RDH12: variants seen among roughly 807,000 people sequenced by gnomAD.
RDH12 encodes all-trans and 9-cis retinol dehydrogenase.
RDH12 carries 21 observed loss-of-function variants against 34.0 expected under a neutral mutation model. The observed-to-expected ratio is 0.62, with a 90% CI of 0.44 to 0.89. RDH12 has a LOEUF of 0.89. Among genes scored for constraint, RDH12 ranks in the 40% least tolerant of loss-of-function variants. The probability of loss-of-function intolerance (pLI) is 0.00; values close to 1 mark genes in which losing one functional copy is unlikely to be tolerated. For synonymous variants in RDH12, 198 were observed against 169.9 expected, an observed-to-expected ratio of 1.17 and a Z score of -1.29; for missense variants, 394 against 398.6, an observed-to-expected ratio of 0.99 and a Z score of 0.10.
In RDH12 at chr14:67,724,568, C is replaced by A. The variant is rs766631462; in HGVS notation, c.164C>A (p.Thr55Lys). 6.2e-7 allele frequency: 1 copy of A among 1,613,548 alleles called. No individual in the cohort carries two copies. Among genetic ancestry groups the A allele is most frequent in the East Asian group, 2.2e-5 (1 of 44,864 alleles). ...GCCAACACGGGCATTGGCAAGGAGA[C>A]GGCCAGAGAGCTCGCTAGCCGAGGT... ...TGANTGIGKE[T>K]ARELASRGAR... Residue 55 changes from threonine to lysine, a missense_variant, in exon 4 of 9, where the codon ACG becomes AAG. Thr to Lys is a moderately conservative substitution (Grantham distance 78). Transcript: ENST00000551171.
chr14:67,726,364 A>G (rs2038185844), intron 6 of RDH12, among the ~76,000 whole-genome samples: 1 of 152,180 alleles, frequency 6.6e-6, no homozygotes, highest in African/African-American at 2.4e-5. Context: ...AAGAAGCCCC[A>G]AATTTCAGGA....
chr14:67,724,306 C>G (rs1402731452), intron 3 of RDH12, among the ~76,000 whole-genome samples, 167 bp from the exon 4 acceptor site: 1 of 152,114 alleles, frequency 6.6e-6, no homozygotes, highest in East Asian at 1.9e-4. Context: ...TACCTTGCCC[C>G]ATGGAAAAAT....
intron 1 of RDH12, among the ~76,000 whole-genome samples, chr14:67,702,179 G>A (rs2037906868): frequency 6.6e-6 from 1 of 151,788 alleles, no homozygotes; most frequent in African/African-American, 2.4e-5. Context: ...ATGTTGCCCA[G>A]GCTGGTCTCA....
At chr14:67,703,050 G>T (rs2037916487) in intron 1 of RDH12, among the ~76,000 whole-genome samples, 1 of 152,260 alleles carries the variant, frequency 6.6e-6, no homozygotes, top group South Asian at 2.1e-4. Flanking sequence ...GAGCTCCTGG[G>T]CGCAAATGAT....
chr14:67,702,796 A>G (rs192635642), intron 1 of RDH12, among the ~76,000 whole-genome samples: 162 of 152,296 alleles, frequency 1.1e-3, no homozygotes, highest in African/African-American at 3.7e-3. Context: ...ATGCACAAAT[A>G]GAGATCTTAT....
intron 7 of RDH12, chr14:67,727,449 G>A (rs2038201852): frequency 2.4e-6 from 1 of 423,156 alleles, no homozygotes; most frequent in Non-Finnish European, 4.4e-6. Context: ...TTTCACAGTA[G>A]CTTTTTGCAA....
In RDH12 at chr14:67,727,149, C is replaced by T. The variant is rs1254096311; in HGVS notation, c.617C>T (p.Ala206Val). Reference protein sequence around the residue: ...RGFAYCHSKLANVLFTRELAK... With the variant: ...RGFAYCHSKLVNVLFTRELAK... ...TTTGCCTATTGCCACAGCAAGCTGG[C>T]CAATGTGCTTTTTACTCGTGAGCTG... is the stretch of plus-strand genomic sequence containing the variant. The change falls in exon 7 of 9, where the codon GCC (alanine) becomes GTC (valine). Residue 206 changes from alanine to valine, a missense_variant. Ala to Val is a moderately conservative substitution (Grantham distance 64). Coordinates refer to ENST00000551171, the MANE Select transcript of RDH12 (RefSeq NM_152443.3). 2 of 1,614,048 alleles carry T rather than the reference C, an allele frequency of 1.2e-6. No homozygotes were observed. Among genetic ancestry groups the T allele is most frequent in the Admixed American group, 1.7e-5 (1 of 60,004 alleles).
chr14:67,734,125 T>A lies in RDH12; in HGVS notation c.*277T>A. On this transcript the variant is annotated 3_prime_UTR_variant, in exon 9 of 9. Transcript: ENST00000551171. ...CAGCAGGACTGGGCAGATCCCAGGCTGGGCATGGGGGTGGCAGAAGAGCCC... is the reference window on the plus strand; with the variant it reads ...CAGCAGGACTGGGCAGATCCCAGGCAGGGCATGGGGGTGGCAGAAGAGCCC... 2.9e-6 allele frequency: 1 copy of A among 346,294 alleles called. No individual in the cohort carries two copies. Among genetic ancestry groups the A allele is most frequent in the East Asian group, 6.7e-5 (1 of 14,986 alleles). 21.5% of individuals were successfully genotyped at this position (346,294 alleles called of 1,614,324 possible).
At chr14:67,723,528 C>G (rs1401939706) in intron 3 of RDH12, among the ~76,000 whole-genome samples, 1 of 152,170 alleles carries the variant, frequency 6.6e-6, no homozygotes, top group Non-Finnish European at 1.5e-5. Context: ...AGCCACTGGG[C>G]TCAGCCTAAA....
At chr14:67,719,836 CT>C (rs908802884) in intron 1 of RDH12, among the ~76,000 whole-genome samples, 1 of 152,042 alleles carries the variant, frequency 6.6e-6, no homozygotes, top group Admixed American at 6.6e-5. Context: ...ATTATTTATT[CT>C]TTTTTTACAG....
chr14:67,706,109 G>A (rs2037947750), intron 1 of RDH12: 1 of 152,044 alleles, frequency 6.6e-6, no homozygotes, highest in Non-Finnish European at 1.5e-5. Flanking sequence ...TGGGAGCAGG[G>A]GACCACCAGG....
chr14:67,732,058 C>T (rs980338356), intron 8 of RDH12, among the ~76,000 whole-genome samples: 9 of 143,916 alleles, frequency 6.3e-5, no homozygotes, highest in African/African-American at 1.8e-4. Flanking sequence ...ACCTGGGAGG[C>T]GGAGGCTGCA....
chr14:67,710,087 A>T (rs928923509), intron 1 of RDH12, among the ~76,000 whole-genome samples: 3 of 152,084 alleles, frequency 2.0e-5, no homozygotes, highest in African/African-American at 7.2e-5. Context: ...AAGTTGTTCC[A>T]CCTTTCCAGA....
At chr14:67,726,681 A>G (rs1233695237) in intron 6 of RDH12, among the ~76,000 whole-genome samples, 5 of 152,342 alleles carry the variant, frequency 3.3e-5, no homozygotes, top group African/African-American at 1.2e-4. Context: ...ACACAAGTGT[A>G]CCTGGGTCCC....
At chr14:67,710,686 G>T in intron 1 of RDH12, among the ~76,000 whole-genome samples, 1 of 149,994 alleles carries the variant, frequency 6.7e-6, no homozygotes. Context: ...AATAAGCTTT[G>T]AATTAGACAA....
intron 8 of RDH12, chr14:67,729,666 TGC>T: frequency 1.7e-6 from 1 of 592,226 alleles, no homozygotes; most frequent in Non-Finnish European, 3.1e-6. Flanking sequence ...CTGTTGGTTA[TGC>T]CATGGAGATC....
chr14:67,714,028 T>G (rs559875315), intron 1 of RDH12, among the ~76,000 whole-genome samples: 4 of 152,328 alleles, frequency 2.6e-5, no homozygotes, highest in Admixed American at 2.6e-4. Flanking sequence ...CAGCTTGAAT[T>G]TTCCCTTTAG....
At chr14:67,728,993 C>CT (rs1248717647) in intron 7 of RDH12, among the ~76,000 whole-genome samples, 198 bp from the exon 8 acceptor site, 1 of 152,156 alleles carries the variant, frequency 6.6e-6, no homozygotes, top group Non-Finnish European at 1.5e-5. Flanking sequence ...ACATAGAAGG[C>CT]TGAGAAGGCT....
intron 1 of RDH12, among the ~76,000 whole-genome samples, chr14:67,713,490 G>A (rs188341739): frequency 5.3e-5 from 8 of 151,846 alleles, no homozygotes; most frequent in East Asian, 1.9e-4. Context: ...GGATTCTCTG[G>A]AGGGGATATT....
Sources: gnomAD v4.1 joint callset for allele counts (sites outside exome capture counted in the v4.1 genomes callset) on GRCh38, gnomAD v4.1.1 for gene constraint, MANE v1.5 for transcripts, NCBI Gene and HGNC (gene_info 2026-07-23, HGNC 2026-07-21) for gene names.